Variants in ADCY3 observed in about 807,000 individuals in gnomAD.
The protein encoded by ADCY3 is adenylate cyclase type 3.
In ADCY3, 70 loss-of-function variants were observed where a neutral mutation model predicts 119.4. The ratio of observed to expected loss-of-function variants is 0.59; its 90% CI spans 0.48 to 0.72. The LOEUF is 0.72. ADCY3 is among the 30% of genes least tolerant of loss of function. The pLI, the probability that ADCY3 is intolerant of heterozygous loss-of-function variation, is 0.00. For synonymous variants in ADCY3, 672 were observed against 621.4 expected, an observed-to-expected ratio of 1.08 and a Z score of -1.21; for missense variants, 1,238 against 1,541.6, an observed-to-expected ratio of 0.80 and a Z score of 3.30.
chr2:24,849,021 G>A (rs554257347), intron 3 of ADCY3, among the ~76,000 whole-genome samples: 21 of 152,322 alleles, frequency 1.4e-4, no homozygotes, highest in African/African-American at 5.1e-4. Context: ...TGTGTGAGGA[G>A]CATGGGGAGG....
At chr2:24,864,076 C>T (rs1338184651) in intron 3 of ADCY3, among the ~76,000 whole-genome samples, 1 of 152,206 alleles carries the variant, frequency 6.6e-6, no homozygotes, top group Non-Finnish European at 1.5e-5. Context: ...CACCAGAGGT[C>T]AGGAGTTCGA....
chr2:24,823,492 A>ATTT (rs5829941), intron 17 of ADCY3, 137 bp from the exon 18 acceptor site: 14,958 of 656,284 alleles, frequency 0.023, 200 homozygotes, highest in South Asian at 0.028. Context: ...TTATTCCAGC[A>ATTT]TTTTTTTTTT....
chr2:24,842,128 T>C lies in ADCY3; in HGVS notation c.956+126A>G. On this transcript the variant is annotated intron_variant, in intron 4 of 21. Transcript: ENST00000679454. This position sits in a 1 kb window ranked among gnomAD's most constrained non-coding sequence, Gnocchi z 4.9. ...CTTCCTCCGCCAGGCTGATGAATGC[T>C]GTGGGAGGCCTTGCTTCTAGTCCCT... The C allele has an allele frequency of 7.4e-7, 1 of 1,352,036 alleles. No individual in the cohort carries two copies. The highest frequency in any genetic ancestry group is 1.0e-6 in the Non-Finnish European group (1 of 985,604). The allele number at this position is 1,352,036 out of a possible 1,614,324, so 83.8% of individuals were successfully genotyped here. A position where few individuals can be genotyped will look rare whatever the true frequency, so the allele number is the denominator to read the frequency against.
intron 14 of ADCY3, 42 bp downstream of exon 14, chr2:24,827,860 A>C (rs1668843266): frequency 6.2e-7 from 1 of 1,607,990 alleles, no homozygotes; most frequent in South Asian, 1.1e-5. Flanking sequence ...TGCGGGCGGG[A>C]GGAAGGAGAC....
Position 24,915,486 on chromosome 2 carries a change from G to A in ADCY3, c.675+2827C>T, listed in dbSNP as rs540540788. 1.1e-3 allele frequency among the ~76,000 whole-genome samples: 170 copies of A among 152,140 alleles called. 1 individual carries two copies. Among genetic ancestry groups the A allele is most frequent in the Admixed American group, 1.8e-3 (28 of 15,282 alleles). ...CTCACTCCAGGGCTCAGGGGAGACCGCTGTCCCGGGTGTCCCTCCCCACAG... is the reference window on the plus strand; with the variant it reads ...CTCACTCCAGGGCTCAGGGGAGACCACTGTCCCGGGTGTCCCTCCCCACAG... On this transcript the variant is annotated intron_variant, in intron 2 of 21. Transcript: ENST00000679454.
Position 24,821,498 on chromosome 2 carries a change from G to A in ADCY3, c.3127+19C>T. ...GGGAAGGGAGCCTGCTGCGGGGCAG[G>A]CCAGCTGGGGGTGCTCACCTATGCG... On this transcript the variant is annotated intron_variant, in intron 20 of 21. Coordinates refer to ENST00000679454, the MANE Select transcript of ADCY3 (RefSeq NM_004036.5). 1 of 1,612,978 alleles carries A rather than the reference G, an allele frequency of 6.2e-7. No homozygotes were observed. The highest frequency in any genetic ancestry group is 8.5e-7 in the Non-Finnish European group (1 of 1,179,392).
intron 2 of ADCY3, among the ~76,000 whole-genome samples, chr2:24,900,354 A>T (rs1251060286): frequency 7.1e-6 from 1 of 141,214 alleles, no homozygotes; most frequent in Non-Finnish European, 1.6e-5. Flanking sequence ...CAAAAAAAAA[A>T]AAAATAAATA....
intron 3 of ADCY3, among the ~76,000 whole-genome samples, chr2:24,871,110 G>A (rs1674957075): frequency 6.7e-6 from 1 of 148,866 alleles, no homozygotes; most frequent in Non-Finnish European, 1.5e-5. Context: ...AAGAATGCTC[G>A]CCTAGCTAGG....
At position 24,839,854 on chromosome 2, in the gene ADCY3, C is replaced by A. The variant is rs528795494; in HGVS notation, c.1355+19G>T. On this transcript the variant is annotated intron_variant, in intron 7 of 21. Coordinates refer to ENST00000679454, the MANE Select transcript of ADCY3 (RefSeq NM_004036.5). ...CCCCTCCCCAGTCCTCAAACCTGCC[C>A]CCTTGGAATGGCACTCACCCAGGGA... 2 of 1,613,652 alleles carry A rather than the reference C, an allele frequency of 1.2e-6. No individual in the cohort carries two copies. The highest frequency in any genetic ancestry group is 2.7e-5 in the African/African-American group (2 of 75,046).
chr2:24,917,603 C>T (rs1013284621), intron 2 of ADCY3, among the ~76,000 whole-genome samples: 2 of 152,170 alleles, frequency 1.3e-5, no homozygotes, highest in Admixed American at 6.5e-5. Flanking sequence ...CAGTAGAAAG[C>T]GTGCTCCAGG....
intron 2 of ADCY3, among the ~76,000 whole-genome samples, chr2:24,876,707 C>T (rs550413377): frequency 6.6e-6 from 1 of 152,264 alleles, no homozygotes; most frequent in Admixed American, 6.5e-5. Context: ...AGCTGCCGTT[C>T]CTCTAAAATG....
At chr2:24,837,165 C>T (rs1257681840) in intron 8 of ADCY3, 120 bp from the exon 9 acceptor site, 3 of 1,215,032 alleles carry the variant, frequency 2.5e-6, no homozygotes, top group Non-Finnish European at 3.4e-6. Flanking sequence ...GGCCACAGAA[C>T]TTGCTTGTGG....
At position 24,919,313 on chromosome 2, in the gene ADCY3, C is replaced by T; in HGVS notation, c.-197-129G>A. 3.4e-6 allele frequency: 1 copy of T among 294,360 alleles called. No individual in the cohort carries two copies. The highest frequency in any genetic ancestry group is 6.4e-6 in the Non-Finnish European group (1 of 155,364). 18.2% of individuals were successfully genotyped at this position (294,360 alleles called of 1,614,324 possible). On this transcript the variant is annotated intron_variant, in intron 1 of 21. Coordinates refer to ENST00000679454, the MANE Select transcript of ADCY3 (RefSeq NM_004036.5). This position sits in a 1 kb window ranked among gnomAD's most constrained non-coding sequence, Gnocchi z 5.5. Reference sequence around the variant, plus strand: ...CCCAACCCAGGGCCTTCCCTGCCACCCCCGGCTCACACCACCGCCCACCGC... The same window carrying T: ...CCCAACCCAGGGCCTTCCCTGCCACTCCCGGCTCACACCACCGCCCACCGC...
In ADCY3 at chr2:24,842,433, G is replaced by T. The variant is rs1347245504; in HGVS notation, c.826-49C>A. ...GAGGCAAAGGTAGGCCCTGCTAGAG[G>T]CAAGTTCAGATACTTCTGGGAAGAA... On this transcript the variant is annotated intron_variant, in intron 3 of 21. Coordinates refer to ENST00000679454, the MANE Select transcript of ADCY3 (RefSeq NM_004036.5). This position sits in a 1 kb window ranked among gnomAD's most constrained non-coding sequence, Gnocchi z 4.9. The T allele has an allele frequency of 6.2e-7, 1 of 1,611,044 alleles. No homozygotes were observed. Among genetic ancestry groups the T allele is most frequent in the Non-Finnish European group, 8.5e-7 (1 of 1,178,370 alleles).
At chr2:24,838,938 G>A (rs1341037069) in intron 7 of ADCY3, 2 of 1,437,152 alleles carry the variant, frequency 1.4e-6, no homozygotes, top group African/African-American at 1.4e-5. Context: ...AATGCGATAA[G>A]GAATTTTTTT....
chr2:24,839,063 C>T (rs1670681665), intron 7 of ADCY3, among the ~76,000 whole-genome samples: 1 of 151,902 alleles, frequency 6.6e-6, no homozygotes, highest in African/African-American at 2.4e-5. Context: ...CTGCCTCAGC[C>T]TCCAGAGTAG....
intron 3 of ADCY3, among the ~76,000 whole-genome samples, chr2:24,868,744 C>T (rs993863649): frequency 2.7e-5 from 4 of 150,264 alleles, no homozygotes; most frequent in African/African-American, 7.4e-5. Context: ...AGGCTGGGCG[C>T]GGTGGCTCAC....
chr2:24,889,357 T>C (rs544242919), intron 2 of ADCY3, among the ~76,000 whole-genome samples: 1 of 152,394 alleles, frequency 6.6e-6, no homozygotes, highest in African/African-American at 2.4e-5. Flanking sequence ...GCGCTTGTTT[T>C]GCATCTTGCT....
chr2:24,866,576 A>G (rs1674334986), intron 3 of ADCY3, among the ~76,000 whole-genome samples: 1 of 150,466 alleles, frequency 6.6e-6, no homozygotes, highest in Admixed American at 6.6e-5. Context: ...AAAAAAAAAA[A>G]AAAAAAAAAG....
Sources: allele counts gnomAD v4.1 joint callset (sites outside exome capture counted in the v4.1 genomes callset), GRCh38; gene constraint gnomAD v4.1.1; non-coding constraint Gnocchi (gnomAD v3.1); transcripts MANE v1.5; gene names NCBI Gene and HGNC (gene_info 2026-07-23, HGNC 2026-07-21).